SLIT3: variants seen among roughly 807,000 people sequenced by gnomAD.
The protein encoded by SLIT3 is slit guidance ligand 3, also known as slit homolog 3 protein.
In SLIT3, 68 loss-of-function variants were observed where a neutral mutation model predicts 184.0. That is an observed-to-expected ratio of 0.37 (90% CI 0.30 to 0.45). The LOEUF (loss-of-function observed/expected upper bound fraction) is 0.45. SLIT3 is among the 20% of genes least tolerant of loss of function. The pLI, the probability that SLIT3 is intolerant of heterozygous loss-of-function variation, is 1.00. For missense variants in SLIT3, 1,707 were observed against 2,026.0 expected, an observed-to-expected ratio of 0.84 and a Z score of 3.02; for synonymous variants, 831 against 828.6, an observed-to-expected ratio of 1.00 and a Z score of -0.05.
chr5:168,986,757 T>C (rs903537568), intron 4 of SLIT3, among the ~76,000 whole-genome samples: 5 of 152,202 alleles, frequency 3.3e-5, no homozygotes, highest in African/African-American at 1.2e-4. Flanking sequence ...ACCTCTCTAC[T>C]GCTTAGATTC....
At chr5:168,720,967 TACTG>T (rs1274731063) in intron 23 of SLIT3, 1 of 152,186 alleles carries the variant, frequency 6.6e-6, no homozygotes, top group East Asian at 1.9e-4. Context: ...TTCTGCAACC[TACTG>T]ACTGCTAGAC....
chr5:169,252,370 G>C (rs1241327676), intron 1 of SLIT3, among the ~76,000 whole-genome samples: 2 of 152,194 alleles, frequency 1.3e-5, no homozygotes. Flanking sequence ...CAAAGAGAAG[G>C]ATTTGCCATA....
At chr5:168,763,625 G>C (rs1322855419) in intron 14 of SLIT3, among the ~76,000 whole-genome samples, 1 of 152,178 alleles carries the variant, frequency 6.6e-6, no homozygotes, top group Non-Finnish European at 1.5e-5. Flanking sequence ...GTGTCTCTGA[G>C]AAATGCCTCG....
chr5:169,194,760 T>C (rs1042302324), intron 3 of SLIT3, among the ~76,000 whole-genome samples: 7 of 152,176 alleles, frequency 4.6e-5, no homozygotes, highest in African/African-American at 1.2e-4. Flanking sequence ...ACATTGGATG[T>C]TGGCCAACGG....
intron 4 of SLIT3, among the ~76,000 whole-genome samples, chr5:168,904,515 A>G (rs1433036789): frequency 6.7e-6 from 1 of 149,778 alleles, no homozygotes; most frequent in Non-Finnish European, 1.5e-5. Flanking sequence ...AATAATAATA[A>G]TACCTCATTC....
intron 9 of SLIT3, among the ~76,000 whole-genome samples, chr5:168,798,223 C>CTTTTTTTTTTT (rs747746239): frequency 4.6e-5 from 5 of 109,054 alleles, no homozygotes; most frequent in Admixed American, 9.0e-5. Flanking sequence ...TCTTCTTCTT[C>CTTTTTTTTTTT]TTTTTTTTTT....
intron 4 of SLIT3, among the ~76,000 whole-genome samples, chr5:169,125,575 G>T (rs992553457): frequency 6.6e-6 from 1 of 152,142 alleles, no homozygotes. Flanking sequence ...GGCCTTCACC[G>T]TGAGGGAGGT....
At position 168,799,687 on chromosome 5, in the gene SLIT3, TTGG is replaced by T. The variant is rs58476856; in HGVS notation, c.936-4112_936-4110del. Reference sequence around the variant, plus strand: ...AAAGGTCCTGGAGTGTGTGGAAACATTGGTGGTGGTGGTGGTGGTGATAATATG... The same window carrying T: ...AAAGGTCCTGGAGTGTGTGGAAACATTGGTGGTGGTGGTGGTGATAATATG... On this transcript the variant is annotated intron_variant, in intron 9 of 35. Coordinates refer to ENST00000519560, the MANE Select transcript of SLIT3 (RefSeq NM_003062.4). 1.2e-3 allele frequency among the ~76,000 whole-genome samples: 162 copies of T among 133,474 alleles called. 2 individuals carry two copies. Among genetic ancestry groups the T allele is most frequent in the African/African-American group, 3.2e-3 (128 of 40,294 alleles). The allele number at this position is 133,474 out of a possible 152,430, so 87.6% of individuals were successfully genotyped here.
chr5:168,834,082 G>C (rs763680585), intron 6 of SLIT3, among the ~76,000 whole-genome samples: 2 of 152,130 alleles, frequency 1.3e-5, no homozygotes, highest in Non-Finnish European at 2.9e-5. Flanking sequence ...AGGCAGGGCC[G>C]GCTCTTTTTC....
chr5:169,057,343 G>T (rs1041379565), intron 4 of SLIT3, among the ~76,000 whole-genome samples: 7 of 152,226 alleles, frequency 4.6e-5, no homozygotes, highest in African/African-American at 1.7e-4. Flanking sequence ...ATGGGTCAAA[G>T]AAACTGGGAA....
chr5:169,100,789 A>G (rs1759979963), intron 4 of SLIT3, among the ~76,000 whole-genome samples: 1 of 152,158 alleles, frequency 6.6e-6, no homozygotes, highest in African/African-American at 2.4e-5. Context: ...TCACCAAAGG[A>G]ACCAGGGATA....
At chr5:168,754,046 GC>G in intron 16 of SLIT3, 39 bp from the exon 17 acceptor site, 1 of 1,530,408 alleles carries the variant, frequency 6.5e-7, no homozygotes, top group Non-Finnish European at 8.8e-7. Context: ...ATCAAAAGGA[GC>G]AGATGGTCTT....
chr5:168,699,499 C>A (rs1023961736), intron 27 of SLIT3, among the ~76,000 whole-genome samples: 2 of 152,190 alleles, frequency 1.3e-5, no homozygotes, highest in Non-Finnish European at 2.9e-5. Flanking sequence ...TGAAACTGGG[C>A]ATCTAAAAGC....
intron 14 of SLIT3, 22 bp from the exon 15 acceptor site, chr5:168,762,711 A>G (rs1328128446): frequency 6.2e-7 from 1 of 1,608,788 alleles, no homozygotes; most frequent in African/African-American, 1.3e-5. Flanking sequence ...CAAAGAGGGG[A>G]CGTCAGCGTC....
intron 20 of SLIT3, among the ~76,000 whole-genome samples, chr5:168,725,365 A>C (rs1022319854): frequency 2.6e-5 from 4 of 152,190 alleles, no homozygotes; most frequent in Non-Finnish European, 4.4e-5. Context: ...AATAAAAGTT[A>C]ATGCTATCCT....
At chr5:168,775,407 C>T (rs1364734261) in intron 12 of SLIT3, among the ~76,000 whole-genome samples, 1 of 152,166 alleles carries the variant, frequency 6.6e-6, no homozygotes, top group Non-Finnish European at 1.5e-5. Context: ...TCTTTACCTT[C>T]TTTCAGCAGG....
At chr5:168,775,188 C>G (rs1755699962) in intron 12 of SLIT3, among the ~76,000 whole-genome samples, 1 of 152,108 alleles carries the variant, frequency 6.6e-6, no homozygotes, top group Non-Finnish European at 1.5e-5. Context: ...CAGGTGTGCA[C>G]CACCACGCCC....
chr5:168,713,471 A>T (rs1762624244), intron 23 of SLIT3, among the ~76,000 whole-genome samples: 2 of 152,246 alleles, frequency 1.3e-5, no homozygotes, highest in African/African-American at 4.8e-5. Flanking sequence ...TGCATAAAAA[A>T]ATCTGCAAAT....
intron 4 of SLIT3, chr5:169,026,710 C>T (rs1024771117): frequency 6.6e-6 from 1 of 152,088 alleles, no homozygotes; most frequent in African/African-American, 2.4e-5. Context: ...ATGACTGTTA[C>T]CTCTGCTGGC....
Sources: gnomAD v4.1 joint callset for allele counts (sites outside exome capture counted in the v4.1 genomes callset) on GRCh38, gnomAD v4.1.1 for gene constraint, MANE v1.5 for transcripts, NCBI Gene and HGNC (gene_info 2026-07-23, HGNC 2026-07-21) for gene names.